The following OTUD6B variants were observed in gnomAD, a reference collection of about 807,000 sequenced individuals.
The protein encoded by OTUD6B is deubiquitinase OTUD6B.
A neutral mutation model predicts 36.9 loss-of-function variants in OTUD6B; 41 were observed. That is an observed-to-expected ratio of 1.11 (90% CI 0.87 to 1.44). The LOEUF (loss-of-function observed/expected upper bound fraction) is 1.44, where lower values mean the gene tolerates loss of function less well. OTUD6B is among the 40% of genes most tolerant of loss of function. The pLI is 0.00. For missense variants in OTUD6B, 356 were observed against 344.8 expected (o/e 1.03, Z -0.26); for synonymous variants, 114 against 114.2 (o/e 1.00, Z 0.01).
At position 91,086,810 on chromosome 8, in the gene OTUD6B, T is replaced by G. The variant is rs947194551; in HGVS notation, c.*1942T>G. On this transcript the variant is annotated 3_prime_UTR_variant, in exon 7 of 7. Coordinates refer to ENST00000404789, the MANE Select transcript of OTUD6B (RefSeq NM_016023.5). The stretch of plus-strand genomic sequence containing the variant: ...TTTAGCTATAACCTAAAAAAGTGTT[T>G]AAATAAAATGACAGATGTTAATTTA... 3.9e-5 allele frequency: 6 copies of G among 152,106 alleles called. No homozygotes were observed. The highest frequency in any genetic ancestry group is 7.2e-5 in the African/African-American group (3 of 41,458). The allele number at this position is 152,106 out of a possible 1,614,324, so 9.4% of individuals were successfully genotyped here.
chr8:91,072,881 A>G (rs1454347651), intron 2 of OTUD6B, among the ~76,000 whole-genome samples: 4 of 152,226 alleles, frequency 2.6e-5, no homozygotes, highest in Non-Finnish European at 5.9e-5. Flanking sequence ...TGAACTATTT[A>G]TCTGTTTCAT....
chr8:91,075,525 C>G (rs1052525341), intron 3 of OTUD6B, among the ~76,000 whole-genome samples: 2 of 152,046 alleles, frequency 1.3e-5, no homozygotes, highest in Non-Finnish European at 2.9e-5. Context: ...AACGAAAACT[C>G]CCTTACCTTT....
At position 91,086,234 on chromosome 8, in the gene OTUD6B, T is replaced by A. The variant is rs1018314659; in HGVS notation, c.*1366T>A. The A allele has an allele frequency of 6.6e-6, 1 of 152,190 alleles. No individual in the cohort carries two copies. Among genetic ancestry groups the A allele is most frequent in the African/African-American group, 2.4e-5 (1 of 41,564 alleles). 9.4% of individuals were successfully genotyped at this position (152,190 alleles called of 1,614,324 possible). Reference sequence around the variant, plus strand: ...TTTTTGCTCCATGAGTACAACTAATTTTTATAAGTAAATATTGGGTTTATA... The same window carrying A: ...TTTTTGCTCCATGAGTACAACTAATATTTATAAGTAAATATTGGGTTTATA... On this transcript the variant is annotated 3_prime_UTR_variant, in exon 7 of 7. Coordinates refer to ENST00000404789, the MANE Select transcript of OTUD6B (RefSeq NM_016023.5).
chr8:91,073,075 CTCTA>C (rs1376894196), intron 2 of OTUD6B, among the ~76,000 whole-genome samples: 2 of 152,114 alleles, frequency 1.3e-5, no homozygotes. Context: ...TCTTTGAAGT[CTCTA>C]TCTGATTTTG....
chr8:91,071,366 T>C (rs1325619554), intron 2 of OTUD6B, 77 bp downstream of exon 2: 11 of 241,418 alleles, frequency 4.6e-5, no homozygotes, highest in African/African-American at 1.7e-4. Context: ...TTAAACTGCT[T>C]TTTTTTTTTT....
intron 3 of OTUD6B, chr8:91,076,819 G>T (rs1812811118): frequency 1.4e-6 from 1 of 697,186 alleles, no homozygotes; most frequent in Admixed American, 2.0e-5. Context: ...TTATGCCTCT[G>T]TGATCCACAG....
intron 3 of OTUD6B, chr8:91,076,858 TCC>T: frequency 4.6e-6 from 3 of 649,984 alleles, no homozygotes; most frequent in Non-Finnish European, 8.4e-6. Context: ...ATAAATTTGT[TCC>T]TATTACTTAT....
At chr8:91,071,105 G>C in intron 1 of OTUD6B, 33 bp from the exon 2 acceptor site, 4 of 1,608,044 alleles carry the variant, frequency 2.5e-6, no homozygotes, top group South Asian at 1.1e-5. Flanking sequence ...TTACTCCTGC[G>C]TGTCTGACTT....
At chr8:91,083,611 A>G (rs1812949048) in intron 5 of OTUD6B, among the ~76,000 whole-genome samples, 1 of 152,178 alleles carries the variant, frequency 6.6e-6, no homozygotes, top group African/African-American at 2.4e-5. Context: ...GTGACAGGTC[A>G]CAGTTCAAAC....
intron 3 of OTUD6B, among the ~76,000 whole-genome samples, chr8:91,077,852 C>T (rs1316257220): frequency 6.6e-6 from 1 of 151,020 alleles, no homozygotes; most frequent in Non-Finnish European, 1.5e-5. Context: ...TTTTTTTTTA[C>T]AAAATATTTG....
At chr8:91,077,362 C>T (rs1178965233) in intron 3 of OTUD6B, among the ~76,000 whole-genome samples, 1 of 151,818 alleles carries the variant, frequency 6.6e-6, no homozygotes, top group East Asian at 1.9e-4. Context: ...AAGTATAGAC[C>T]TACTGTATAT....
At chr8:91,071,509 C>T (rs998797326) in intron 2 of OTUD6B, among the ~76,000 whole-genome samples, 4 of 152,018 alleles carry the variant, frequency 2.6e-5, no homozygotes, top group Non-Finnish European at 4.4e-5. Flanking sequence ...CCACTACGCC[C>T]GGCTAATTTT....
In OTUD6B at chr8:91,083,873, C is replaced by G. The variant is rs1046968432; in HGVS notation, c.691-135C>G. 16 of 911,756 alleles carry G rather than the reference C, an allele frequency of 1.8e-5. No individual in the cohort carries two copies. The African/African-American group carries it at 2.8e-4, about 16-fold the overall frequency. 56.5% of individuals were successfully genotyped at this position (911,756 alleles called of 1,614,324 possible). On this transcript the variant is annotated intron_variant, in intron 5 of 6. Coordinates refer to ENST00000404789, the MANE Select transcript of OTUD6B (RefSeq NM_016023.5). ...TTATTCAACAGATATTTATTAAGTG[C>G]CCAGTATATACCAGGCTCTCTGTGT...
chr8:91,075,241 A>C (rs1812779737), intron 3 of OTUD6B, among the ~76,000 whole-genome samples: 2 of 152,084 alleles, frequency 1.3e-5, no homozygotes, highest in South Asian at 2.1e-4. Context: ...TAGATTCATA[A>C]AATTTAGATC....
At chr8:91,071,507 C>G (rs1198593742) in intron 2 of OTUD6B, among the ~76,000 whole-genome samples, 1 of 152,054 alleles carries the variant, frequency 6.6e-6, no homozygotes, top group African/African-American at 2.4e-5. Context: ...CGCCACTACG[C>G]CCGGCTAATT....
At position 91,085,512 on chromosome 8, in the gene OTUD6B, A is replaced by G. The variant is rs1812998197; in HGVS notation, c.*644A>G. On this transcript the variant is annotated 3_prime_UTR_variant, in exon 7 of 7. Transcript: ENST00000404789. Reference sequence around the variant, plus strand: ...GAGATAAATTCAAAGGTAAATAGGTATTCTCTGTCAAATTTAAATCTCTAA... The same window carrying G: ...GAGATAAATTCAAAGGTAAATAGGTGTTCTCTGTCAAATTTAAATCTCTAA... 1 of 151,984 alleles carries G rather than the reference A, an allele frequency of 6.6e-6. No homozygotes were observed. Among genetic ancestry groups the G allele is most frequent in the Admixed American group, 6.6e-5 (1 of 15,218 alleles). The allele number at this position is 151,984 out of a possible 1,614,324, so 9.4% of individuals were successfully genotyped here. A position where few individuals can be genotyped will look rare whatever the true frequency, so the allele number is the denominator to read the frequency against.
rs1813026417 is a variant in OTUD6B, at chr8:91,086,848, G to A, written c.*1980G>A. On this transcript the variant is annotated 3_prime_UTR_variant, in exon 7 of 7. Transcript: ENST00000404789. ...AGATGTTAATTTAAAAGCAGCATAT[G>A]CTAATTTACTTTTTCATATGATGAT... 6.6e-6 allele frequency: 1 copy of A among 151,988 alleles called. No homozygotes were observed. The highest frequency in any genetic ancestry group is 6.6e-5 in the Admixed American group (1 of 15,250). 9.4% of individuals were successfully genotyped at this position (151,988 alleles called of 1,614,324 possible).
rs557285725 is a variant in OTUD6B at position 91,073,831 on chromosome 8, A to C, written c.235A>C (p.Ile79Leu). The C allele has an allele frequency of 1.6e-5, 26 of 1,577,056 alleles. No individual in the cohort carries two copies. Among genetic ancestry groups the C allele is most frequent in the Non-Finnish European group, 2.2e-5 (25 of 1,159,314 alleles). Reference protein sequence around the residue: ...QLKLTTKENKIDSVAVNISNL... With the variant: ...QLKLTTKENKLDSVAVNISNL... ...TGTTAATGCTTTTTGTTTCCTTCAGATAGATTCTGTTGCTGTTAACATTTC... is the reference window on the plus strand; with the variant it reads ...TGTTAATGCTTTTTGTTTCCTTCAGCTAGATTCTGTTGCTGTTAACATTTC... Residue 79 changes from isoleucine (I) to leucine (L), a missense_variant and splice_region_variant, in exon 3 of 7, where the codon ATA becomes CTA. Ile to Leu is a conservative substitution (Grantham distance 5). Transcript: ENST00000404789.
intron 5 of OTUD6B, among the ~76,000 whole-genome samples, chr8:91,081,057 A>C (rs943563120): frequency 1.3e-5 from 2 of 152,164 alleles, no homozygotes; most frequent in African/African-American, 4.8e-5. Context: ...GGAAAATGAA[A>C]ATTTTACTGA....
Sources: gnomAD v4.1 joint callset for allele counts (sites outside exome capture counted in the v4.1 genomes callset) on GRCh38, gnomAD v4.1.1 for gene constraint, MANE v1.5 for transcripts, NCBI Gene and HGNC (gene_info 2026-07-23, HGNC 2026-07-21) for gene names.